The following STOX2 variants were observed in gnomAD, a reference collection of about 807,000 sequenced individuals.
The protein encoded by STOX2 is storkhead box 2.
A neutral mutation model predicts 60.9 loss-of-function variants in STOX2; 28 were observed. The observed-to-expected ratio is 0.46, with a 90% confidence interval of 0.34 to 0.63. The LOEUF is 0.63. Among genes scored for constraint, STOX2 ranks in the 30% least tolerant of loss-of-function variants. STOX2 has a pLI of 0.01. For synonymous variants in STOX2, 472 were observed against 463.9 expected, an observed-to-expected ratio of 1.02 and a Z score of -0.22; for missense variants, 1,024 against 1,187.7, an observed-to-expected ratio of 0.86 and a Z score of 2.03.
intron 1 of STOX2, among the ~76,000 whole-genome samples, chr4:183,938,406 C>A (rs6819807): frequency 2.6e-5 from 4 of 151,418 alleles, no homozygotes; most frequent in African/African-American, 9.7e-5. Context: ...CGGTGGCTCA[C>A]GCTTGTAATC....
rs1255359390 is a variant in STOX2, at chr4:183,886,096, G to GTA, written c.364+88042_364+88043dup. ...AAGGTTCCGATGGTTGCTGGATGGTGTAGGCAGATGCAAAATCAGGAGGGT... is the reference window on the plus strand; with the variant it reads ...AAGGTTCCGATGGTTGCTGGATGGTGTATAGGCAGATGCAAAATCAGGAGGGT... On this transcript the variant is annotated intron_variant, in intron 1 of 2. Transcript: ENST00000513034. Among the ~76,000 whole-genome samples, 135 of 115,182 alleles carry GTA rather than the reference G, an allele frequency of 1.2e-3. 14 individuals are homozygous for GTA. Among genetic ancestry groups the GTA allele is most frequent in the Middle Eastern group, 4.4e-3 (1 of 226 alleles). 75.6% of individuals were successfully genotyped at this position (115,182 alleles called of 152,430 possible). A position where few individuals can be genotyped will look rare whatever the true frequency, so the allele number is the denominator to read the frequency against.
chr4:184,009,652 C>T lies in STOX2; in HGVS notation c.814C>T (p.Arg272Trp), dbSNP rs1363246254. 4.3e-6 allele frequency: 7 copies of T among 1,613,668 alleles called. No individual in the cohort carries two copies. The Admixed American group carries it at 6.7e-5, about 15-fold the overall frequency. The change falls in exon 3 of 4, where the codon CGG becomes TGG. Residue 272 changes from arginine (R) to tryptophan (W), a missense_variant. Physicochemically the swap from Arg to Trp is moderately radical, Grantham distance 101 (BLOSUM62 -3). Transcript: ENST00000308497. This position sits in a 1 kb window ranked among gnomAD's most constrained non-coding sequence, Gnocchi z 4.0. ...AAAAAAATTCGGGCTAAAGTTATTC[C>T]GGTTAAGTTTTAAAAAAGACAAGAC... Reference protein sequence around the residue: ...QSKKFGLKLFRLSFKKDKTKQ... With the variant: ...QSKKFGLKLFWLSFKKDKTKQ...
At chr4:183,920,187 C>T (rs1235812334) in intron 1 of STOX2, among the ~76,000 whole-genome samples, 1 of 152,144 alleles carries the variant, frequency 6.6e-6, no homozygotes, top group Non-Finnish European at 1.5e-5. Context: ...ACCATCTCGG[C>T]TCACTGCAAC....
intron 1 of STOX2, among the ~76,000 whole-genome samples, chr4:183,860,639 A>G (rs1382791741): frequency 6.6e-6 from 1 of 152,202 alleles, no homozygotes. Context: ...TCATTATGCG[A>G]GAGACAGGAA....
intron 1 of STOX2, among the ~76,000 whole-genome samples, chr4:183,931,251 C>A (rs542237734): frequency 6.6e-6 from 1 of 152,216 alleles, no homozygotes; most frequent in South Asian, 2.1e-4. Flanking sequence ...TGGTGAAACC[C>A]CGTCTTTACT....
At chr4:183,835,415 G>A (rs1451633893) in intron 1 of STOX2, among the ~76,000 whole-genome samples, 2 of 151,724 alleles carry the variant, frequency 1.3e-5, no homozygotes, top group South Asian at 2.1e-4. Flanking sequence ...TAGTAGAGAC[G>A]GGGTTTCACC....
chr4:183,895,158 C>T (rs1315901384), intron 1 of STOX2, among the ~76,000 whole-genome samples: 1 of 152,186 alleles, frequency 6.6e-6, no homozygotes, highest in Admixed American at 6.5e-5. Context: ...TGGACTGTCT[C>T]TGAGCCTTAG....
At chr4:183,933,061 C>G (rs1742483229) in intron 1 of STOX2, among the ~76,000 whole-genome samples, 1 of 152,168 alleles carries the variant, frequency 6.6e-6, no homozygotes, top group Admixed American at 6.5e-5. Flanking sequence ...ATAAATATGA[C>G]ATTGCTTTCT....
chr4:183,986,475 G>A (rs1353161262), intron 1 of STOX2, among the ~76,000 whole-genome samples: 1 of 152,244 alleles, frequency 6.6e-6, no homozygotes, highest in East Asian at 1.9e-4. Flanking sequence ...GGAGGGCAGA[G>A]GATGTGAAAA....
intron 1 of STOX2, among the ~76,000 whole-genome samples, chr4:183,826,606 T>C (rs1739439013): frequency 1.3e-5 from 2 of 152,256 alleles, no homozygotes; most frequent in African/African-American, 4.8e-5. Context: ...CACACAGTCC[T>C]GGGACGGCTG....
chr4:183,826,423 G>A (rs564253622), intron 1 of STOX2, among the ~76,000 whole-genome samples: 4 of 152,286 alleles, frequency 2.6e-5, no homozygotes, highest in South Asian at 4.1e-4. Flanking sequence ...CCCTGTCCCC[G>A]TCACTGGCCT....
chr4:183,798,535 C>G (rs887787038), intron 1 of STOX2: 18 of 817,370 alleles, frequency 2.2e-5, no homozygotes, highest in Non-Finnish European at 2.1e-5. Context: ...CCCTGGGCGG[C>G]GACTGCGGGG....
chr4:183,896,669 T>G (rs899176143), intron 1 of STOX2, among the ~76,000 whole-genome samples: 5 of 152,324 alleles, frequency 3.3e-5, no homozygotes, highest in Middle Eastern at 3.4e-3. Flanking sequence ...TATTTCTTCC[T>G]ACTGCAGTTT....
At chr4:183,989,987 T>A (rs1302795877) in intron 1 of STOX2, among the ~76,000 whole-genome samples, 2 of 152,218 alleles carry the variant, frequency 1.3e-5, no homozygotes, top group Admixed American at 1.3e-4. Flanking sequence ...CCCTTGAACA[T>A]CTTCTTTCTC....
chr4:183,812,596 T>A (rs770901290), intron 1 of STOX2, among the ~76,000 whole-genome samples: 16 of 149,608 alleles, frequency 1.1e-4, no homozygotes, highest in Non-Finnish European at 2.4e-4. Context: ...AATTGGTGAG[T>A]TCACATCATT....
chr4:183,910,486 T>C (rs1294068800), intron 1 of STOX2, among the ~76,000 whole-genome samples: 3 of 152,230 alleles, frequency 2.0e-5, no homozygotes, highest in African/African-American at 7.2e-5. Flanking sequence ...TGCTGCTAAC[T>C]TTTAATTTCC....
At chr4:183,955,014 T>C (rs1743207766) in intron 1 of STOX2, among the ~76,000 whole-genome samples, 1 of 152,242 alleles carries the variant, frequency 6.6e-6, no homozygotes, top group Non-Finnish European at 1.5e-5. Context: ...CAACCAATCC[T>C]GGATTCTCAT....
intron 1 of STOX2, among the ~76,000 whole-genome samples, chr4:183,808,768 C>CTAT (rs1332907839): frequency 6.6e-6 from 1 of 152,076 alleles, no homozygotes; most frequent in Non-Finnish European, 1.5e-5. Context: ...AGTCTTTATG[C>CTAT]TATATACTTC....
chr4:183,815,208 C>T (rs1739125713), intron 1 of STOX2, among the ~76,000 whole-genome samples: 1 of 151,540 alleles, frequency 6.6e-6, no homozygotes. Context: ...TATTGCCAGG[C>T]TGGTCTCCAA....
Sources: gnomAD v4.1 joint callset for allele counts (sites outside exome capture counted in the v4.1 genomes callset) on GRCh38, gnomAD v4.1.1 for gene constraint, Gnocchi (gnomAD v3.1) non-coding constraint, MANE v1.5 for transcripts, NCBI Gene and HGNC (gene_info 2026-07-23, HGNC 2026-07-21) for gene names.